The following PTPN4 variants were observed in gnomAD, a reference collection of about 807,000 sequenced individuals.
PTPN4 encodes the protein protein tyrosine phosphatase non-receptor type 4, also known as tyrosine-protein phosphatase non-receptor type 4.
Under a neutral mutation model 135.5 loss-of-function variants are expected in PTPN4, and 49 were observed. That is an observed-to-expected ratio of 0.36 (90% confidence interval 0.29 to 0.46). The LOEUF (loss-of-function observed/expected upper bound fraction) is 0.46. Ranked by LOEUF, PTPN4 falls within the 20% of genes least tolerant of loss-of-function variation. The pLI, the probability that PTPN4 is intolerant of heterozygous loss-of-function variation, is 1.00. For synonymous variants in PTPN4, 333 were observed against 369.9 expected (o/e 0.90, Z 1.14); for missense variants, 860 against 1,101.0 (o/e 0.78, Z 3.10).
intron 1 of PTPN4, among the ~76,000 whole-genome samples, chr2:119,799,384 TA>T (rs1224152753): frequency 6.6e-6 from 1 of 152,062 alleles, no homozygotes; most frequent in South Asian, 2.1e-4. Flanking sequence ...ATTTGAAAAA[TA>T]AAAAACACTT....
chr2:119,955,332 T>C lies in PTPN4; in HGVS notation c.1980+9T>C, dbSNP rs1420149915. 2.6e-6 allele frequency: 4 copies of C among 1,545,874 alleles called. No individual in the cohort carries two copies. The highest frequency in any genetic ancestry group is 3.5e-6 in the Non-Finnish European group (4 of 1,147,608). On this transcript the variant is annotated intron_variant, in intron 20 of 26. Coordinates refer to ENST00000263708, the MANE Select transcript of PTPN4 (RefSeq NM_002830.4). The stretch of plus-strand genomic sequence containing the variant: ...TCCTGACACAGTTTGATGTAAGTAA[T>C]ATCATTATATATTAAAAGCATTTTG...
chr2:119,893,655 T>C (rs1218957866), intron 9 of PTPN4, among the ~76,000 whole-genome samples: 1 of 152,098 alleles, frequency 6.6e-6, no homozygotes, highest in Non-Finnish European at 1.5e-5. Flanking sequence ...TTTGAAGAGA[T>C]GAAGAAGAAC....
Position 119,846,574 on chromosome 2 carries a change from AC to A in PTPN4, c.139-15961del, listed in dbSNP as rs532717506. Among the ~76,000 whole-genome samples, 549 of 151,134 alleles carry A rather than the reference AC, an allele frequency of 3.6e-3. 3 individuals carry two copies. The highest frequency in any genetic ancestry group is 0.013 in the African/African-American group (527 of 41,052). On this transcript the variant is annotated intron_variant, in intron 2 of 26. Transcript: ENST00000263708. ...CTTATTTTTTTTTTTTACCAGTCTG[AC>A]ATCCCTGCCTTTTGATTGATTTTTG... is the stretch of plus-strand genomic sequence containing the variant.
In PTPN4 at chr2:119,786,259, G is replaced by A. The variant is rs998658005; in HGVS notation, c.-17-23578G>A. On this transcript the variant is annotated intron_variant, in intron 1 of 26. Transcript: ENST00000263708. ...GCTTAATAATGAAAAATTATGACTCGTATTTTTTGTGTCTTAAAAAATTTT... is the reference window on the plus strand; with the variant it reads ...GCTTAATAATGAAAAATTATGACTCATATTTTTTGTGTCTTAAAAAATTTT... 3.9e-5 allele frequency among the ~76,000 whole-genome samples: 6 copies of A among 152,124 alleles called. 1 individual carries two copies. Among genetic ancestry groups the A allele is most frequent in the Admixed American group, 3.3e-4 (5 of 15,286 alleles).
rs1015663676 is a variant in PTPN4, at chr2:119,979,789, A to G, written c.*2719A>G. On this transcript the variant is annotated 3_prime_UTR_variant, in exon 27 of 27. Transcript: ENST00000263708. ...CCTACCTCCCACCTTGACACCCTTA[A>G]GAAAGCAATGCTGACTTTTATTCTG... 1.5e-4 allele frequency: 23 copies of G among 152,100 alleles called. No individual in the cohort carries two copies. The highest frequency in any genetic ancestry group is 5.5e-4 in the African/African-American group (23 of 41,452). The allele number at this position is 152,100 out of a possible 1,614,324, so 9.4% of individuals were successfully genotyped here.
chr2:119,844,857 C>T (rs1424175203), intron 2 of PTPN4, among the ~76,000 whole-genome samples: 2 of 150,446 alleles, frequency 1.3e-5, no homozygotes, highest in South Asian at 2.1e-4. Context: ...GTGTGGCAGC[C>T]GGGCAGAGGC....
intron 10 of PTPN4, among the ~76,000 whole-genome samples, chr2:119,909,226 G>C (rs969453201): frequency 1.3e-5 from 2 of 152,180 alleles, no homozygotes; most frequent in Non-Finnish European, 2.9e-5. Flanking sequence ...GACTATCATA[G>C]ATGAAGTTAA....
chr2:119,864,539 G>A (rs1393993373), intron 3 of PTPN4, among the ~76,000 whole-genome samples: 3 of 151,954 alleles, frequency 2.0e-5, no homozygotes, highest in Non-Finnish European at 2.9e-5. Context: ...TTAGATTGAC[G>A]GGGTAAGTGA....
intron 26 of PTPN4, among the ~76,000 whole-genome samples, chr2:119,974,065 TTATC>T (rs1282111732): frequency 6.6e-6 from 1 of 152,212 alleles, no homozygotes; most frequent in East Asian, 1.9e-4. Flanking sequence ...TTCTTTCCCT[TTATC>T]TATAAGCTTT....
intron 2 of PTPN4, among the ~76,000 whole-genome samples, chr2:119,836,417 T>G (rs528565202): frequency 6.6e-6 from 1 of 152,330 alleles, no homozygotes; most frequent in South Asian, 2.1e-4. Flanking sequence ...CACCCAAGAC[T>G]ACTAACTAGC....
intron 18 of PTPN4, among the ~76,000 whole-genome samples, chr2:119,950,345 CAAA>C (rs1434071176): frequency 6.6e-6 from 1 of 152,108 alleles, no homozygotes; most frequent in African/African-American, 2.4e-5. Flanking sequence ...CATAAGTAGA[CAAA>C]AAAGCAACTT....
intron 12 of PTPN4, among the ~76,000 whole-genome samples, chr2:119,923,316 G>T (rs1284203832): frequency 3.3e-5 from 5 of 152,154 alleles, no homozygotes; most frequent in African/African-American, 1.2e-4. Context: ...AAAAGTTACA[G>T]GACTATGATC....
intron 2 of PTPN4, among the ~76,000 whole-genome samples, chr2:119,821,571 AATT>A (rs1677069239): frequency 6.6e-6 from 1 of 152,068 alleles, no homozygotes; most frequent in Admixed American, 6.5e-5. Flanking sequence ...TTTCTTTTGC[AATT>A]ATTTAATTTT....
chr2:119,873,955 A>G (rs534531570), intron 3 of PTPN4, among the ~76,000 whole-genome samples: 4 of 152,296 alleles, frequency 2.6e-5, no homozygotes, highest in Non-Finnish European at 5.9e-5. Flanking sequence ...ACTCCCAGAT[A>G]TATATTGAAG....
At chr2:119,921,800 G>C (rs1010334173) in intron 12 of PTPN4, among the ~76,000 whole-genome samples, 1 of 152,098 alleles carries the variant, frequency 6.6e-6, no homozygotes, top group African/African-American at 2.4e-5. Context: ...AATCTCCACG[G>C]CTTTATGTGA....
chr2:119,882,289 CAGTT>C, intron 7 of PTPN4, 140 bp downstream of exon 7: 1 of 1,049,804 alleles, frequency 9.5e-7, no homozygotes, highest in Non-Finnish European at 1.4e-6. Context: ...ATGAAATCTC[CAGTT>C]AGTTAGCAAT....
intron 2 of PTPN4, among the ~76,000 whole-genome samples, chr2:119,816,457 C>G (rs915610267): frequency 5.3e-5 from 8 of 152,080 alleles, no homozygotes; most frequent in Non-Finnish European, 1.0e-4. Context: ...TTTTTGGCAC[C>G]AGGAACCGGT....
intron 26 of PTPN4, 55 bp downstream of exon 26, chr2:119,968,027 G>T: frequency 7.9e-7 from 1 of 1,259,752 alleles, no homozygotes; most frequent in Non-Finnish European, 1.1e-6. Flanking sequence ...GATTTTTGTT[G>T]CCAATGCATA....
At chr2:119,934,707 C>T in intron 14 of PTPN4, 93 bp from the exon 15 acceptor site, 1 of 1,283,252 alleles carries the variant, frequency 7.8e-7, no homozygotes, top group Non-Finnish European at 1.1e-6. Flanking sequence ...CTTAAAAACA[C>T]ATACCCCCTT....
Sources: gnomAD v4.1 joint callset for allele counts (sites outside exome capture counted in the v4.1 genomes callset) on GRCh38, gnomAD v4.1.1 for gene constraint, MANE v1.5 for transcripts, NCBI Gene and HGNC (gene_info 2026-07-23, HGNC 2026-07-21) for gene names.